USP36: variants seen among roughly 807,000 people sequenced by gnomAD.
USP36 encodes the protein ubiquitin specific peptidase 36, also known as ubiquitin carboxyl-terminal hydrolase 36.
In USP36, 59 loss-of-function variants were observed where a neutral mutation model predicts 111.5. The observed-to-expected ratio is 0.53, with a 90% CI of 0.43 to 0.66. USP36 has a LOEUF of 0.66. USP36 is among the 30% of genes least tolerant of loss of function. The pLI is 0.00. For synonymous variants in USP36, 628 were observed against 581.0 expected (o/e 1.08, Z -1.16); for missense variants, 1,488 against 1,468.0 (o/e 1.01, Z -0.22).
intron 12 of USP36, 40 bp downstream of exon 12, chr17:78,813,733 G>C: frequency 1.3e-6 from 2 of 1,579,424 alleles, no homozygotes; most frequent in Non-Finnish European, 1.7e-6. Flanking sequence ...GAAAAGAGCA[G>C]AGGGAGTGAG....
rs1016299421 is a variant in USP36 at position 78,803,736 on chromosome 17, G to A, written c.2459C>T (p.Pro820Leu). 3.7e-6 allele frequency: 6 copies of A among 1,612,104 alleles called. No homozygotes were observed. Among genetic ancestry groups the A allele is most frequent in the Admixed American group, 3.3e-5 (2 of 60,008 alleles). ...EKRKKTFVGE[P>L]QRLGSETRLP... ...GCGCGTCTCTGAGCCCAGCCTCTGCGGCTCTCCCACAAAGGTCTTTTTCCT... is the reference window on the plus strand; with the variant it reads ...GCGCGTCTCTGAGCCCAGCCTCTGCAGCTCTCCCACAAAGGTCTTTTTCCT... The change falls in exon 16 of 21, where the codon CCG becomes CTG. Residue 820 changes from proline (P) to leucine (L), a missense_variant. By Grantham distance (98) the Pro-to-Leu change is moderately conservative. This residue lies in a region of USP36 where 1,073 missense variants were observed against 994.1 expected (regional missense o/e 1.08). Coordinates refer to ENST00000449938, the MANE Select transcript of USP36 (RefSeq NM_001385174.1). The surrounding 1 kb of genome is among the most constrained non-coding windows in gnomAD (Gnocchi z 4.6).
At position 78,818,662 on chromosome 17, in the gene USP36, C is replaced by A. The variant is rs1283690319; in HGVS notation, c.1023+5G>T. The A allele has an allele frequency of 1.2e-6, 2 of 1,613,616 alleles. No homozygotes were observed. The highest frequency in any genetic ancestry group is 3.3e-5 in the Admixed American group (2 of 59,998). On this transcript the variant is annotated splice_donor_5th_base_variant and intron_variant, in intron 10 of 20. Transcript: ENST00000449938. ...GCTGCCTGGGATGGTGTCACGAGCG[C>A]TCACCTTGGTGATCTTCCCCCCGCT...
In USP36 at chr17:78,835,474, C is replaced by T. The variant is rs1219713479; in HGVS notation, c.281G>A (p.Gly94Asp). The T allele has an allele frequency of 1.2e-6, 2 of 1,608,810 alleles. No homozygotes were observed. Among genetic ancestry groups the T allele is most frequent in the Non-Finnish European group, 1.7e-6 (2 of 1,177,386 alleles). The change falls in exon 4 of 21, where the codon GGT becomes GAT. Residue 94 changes from glycine (G) to aspartate (D), a missense_variant. Transcript: ENST00000449938. ...QGSEHTYESC[G>D]DGVPAPQKVL... ...TTTCTGCGGGGCTGGGACTCCGTCA[C>T]CACAGCTCTCATACGTGTGCTCACT... is the stretch of plus-strand genomic sequence containing the variant.
intron 5 of USP36, among the ~76,000 whole-genome samples, chr17:78,827,844 G>A (rs7217047): frequency 0.057 from 8,645 of 152,300 alleles, 782 homozygotes; most frequent in African/African-American, 0.2. Flanking sequence ...AGGAGGTTGA[G>A]GCTGCAGTGA....
Position 78,821,039 on chromosome 17 carries a change from G to T in USP36, c.780C>A (p.Ser260Arg), listed in dbSNP as rs61729065. Residue 260 changes from serine (S) to arginine (R), a missense_variant, in exon 8 of 21, where the codon AGC (serine) becomes AGA (arginine). Physicochemically the swap from Ser to Arg is moderately radical, Grantham distance 110. Transcript: ENST00000449938. ...AGTAGGGGTCGTAGGTGTCCGAGAC[G>T]CTCTTGCACACGGAGCACTTCACTG... ...RSRVKCSVCK[S>R]VSDTYDPYLD... 1 of 1,606,084 alleles carries T rather than the reference G, an allele frequency of 6.2e-7. No individual in the cohort carries two copies. The highest frequency in any genetic ancestry group is 8.5e-7 in the Non-Finnish European group (1 of 1,176,244).
rs146291781 is a variant in USP36, at chr17:78,802,207, G to A, written c.3022+117C>T. The stretch of plus-strand genomic sequence containing the variant: ...GCACACCCACGCGGTCCAACCCCTC[G>A]CCCAGTGCACGCCCATGCGGTCCCC... On this transcript the variant is annotated intron_variant, in intron 17 of 20. Coordinates refer to ENST00000449938, the MANE Select transcript of USP36 (RefSeq NM_001385174.1). 886 of 414,238 alleles carry A rather than the reference G, an allele frequency of 2.1e-3. 14 individuals carry two copies. The African/African-American group carries it at 0.041, about 19-fold the overall frequency. 25.7% of individuals were successfully genotyped at this position (414,238 alleles called of 1,614,324 possible).
chr17:78,838,499 G>C (rs190052015), intron 2 of USP36, 88 bp downstream of exon 2: 1 of 137,212 alleles, frequency 7.3e-6, no homozygotes, highest in East Asian at 1.9e-4. Flanking sequence ...AATTATCAAA[G>C]ACTTCTCACC....
intron 16 of USP36, among the ~76,000 whole-genome samples, chr17:78,802,936 A>AT (rs1210498542): frequency 1.3e-5 from 2 of 151,786 alleles, no homozygotes; most frequent in Admixed American, 1.3e-4. Context: ...CAGAGGAGAT[A>AT]TTTTTTCTTT....
rs2094100682 is a variant in USP36, at chr17:78,812,911, G to A, written c.1356C>T (p.His452=). 6.2e-7 allele frequency: 1 copy of A among 1,613,794 alleles called. No individual in the cohort carries two copies. Among genetic ancestry groups the A allele is most frequent in the South Asian group, 1.1e-5 (1 of 91,068 alleles). Residue 452 remains histidine (H), a synonymous_variant, in exon 13 of 21, where the codon CAC becomes CAT. Coordinates refer to ENST00000449938, the MANE Select transcript of USP36 (RefSeq NM_001385174.1). ...TCCCATTGCCGATGTTCTTCTTGGA[G>A]TGATCTGGAATCACACTCGGGCGGC... ...LPGRPSVIPD[H]SKKNIGNGII...
At chr17:78,813,069 T>A (rs2094105974) in intron 12 of USP36, 68 bp from the exon 13 acceptor site, 3 of 1,597,744 alleles carry the variant, frequency 1.9e-6, no homozygotes, top group Admixed American at 3.4e-5. Context: ...AGAATTAGAA[T>A]AAGTTAAGGC....
intron 4 of USP36, among the ~76,000 whole-genome samples, chr17:78,834,972 T>C (rs946769117): frequency 1.4e-5 from 2 of 143,672 alleles, no homozygotes; most frequent in Non-Finnish European, 3.0e-5. Flanking sequence ...CAGAGCAAGA[T>C]ACTGTCTCTA....
chr17:78,817,888 C>A (rs1375508263), intron 10 of USP36, among the ~76,000 whole-genome samples: 2 of 152,148 alleles, frequency 1.3e-5, no homozygotes, highest in Non-Finnish European at 2.9e-5. Context: ...TGAGACCACC[C>A]TGGGCAACAC....
rs902651330 is a variant in USP36, at chr17:78,823,375, G to A, written c.690-1371C>T. Among the ~76,000 whole-genome samples the A allele has an allele frequency of 4.6e-5, 7 of 152,088 alleles. No homozygotes were observed. The East Asian group carries it at 7.7e-4, about 17-fold the overall frequency. On this transcript the variant is annotated intron_variant, in intron 6 of 20. Coordinates refer to ENST00000449938, the MANE Select transcript of USP36 (RefSeq NM_001385174.1). ...CAACCCCTCTGTCATCCAGAAGCCC[G>A]CAAGCACCAGCGCCCGCAGGGCCAC...
intron 8 of USP36, 65 bp downstream of exon 8, chr17:78,820,926 G>T: frequency 1.3e-6 from 2 of 1,518,112 alleles, no homozygotes; most frequent in Non-Finnish European, 1.8e-6. Flanking sequence ...CTGTTCTGCG[G>T]GTTCTGTTTC....
intron 11 of USP36, among the ~76,000 whole-genome samples, chr17:78,814,206 C>A (rs1041640577): frequency 2.0e-5 from 3 of 152,200 alleles, no homozygotes; most frequent in African/African-American, 7.2e-5. Context: ...TGTCTCCCTG[C>A]AAGTCTGAGA....
rs2093671512 is a variant in USP36, at chr17:78,798,671, C to T, written c.3241-120G>A. On this transcript the variant is annotated intron_variant, in intron 19 of 20. Transcript: ENST00000449938. This position sits in a 1 kb window ranked among gnomAD's most constrained non-coding sequence, Gnocchi z 5.1. ...GGCTCTCATGAGCTCTCTGGAGACC[C>T]ACTCTTCACAATGACCCCTGTGCAC... The T allele has an allele frequency of 6.8e-7, 1 of 1,480,114 alleles. No individual in the cohort carries two copies. 91.7% of individuals were successfully genotyped at this position (1,480,114 alleles called of 1,614,324 possible).
chr17:78,830,380 G>GAGAC (rs574474992), intron 4 of USP36, among the ~76,000 whole-genome samples: 24 of 152,194 alleles, frequency 1.6e-4, no homozygotes, highest in Non-Finnish European at 2.6e-4. Context: ...ACTGAATGAA[G>GAGAC]AGACCACTGT....
chr17:78,821,418 A>G (rs1257226841), intron 7 of USP36: 1 of 50,116 alleles, frequency 2.0e-5, no homozygotes, highest in Middle Eastern at 0.014. Context: ...ATATATATAT[A>G]TATTTTTTTT....
In USP36 at chr17:78,814,886, G is replaced by C. The variant is rs187931920; in HGVS notation, c.1024-334C>G. Among the ~76,000 whole-genome samples, 309 of 152,278 alleles carry C rather than the reference G, an allele frequency of 2.0e-3. 2 individuals are homozygous for C. Among genetic ancestry groups the C allele is most frequent in the African/African-American group, 7.0e-3 (290 of 41,562 alleles). On this transcript the variant is annotated intron_variant, in intron 10 of 20. Coordinates refer to ENST00000449938, the MANE Select transcript of USP36 (RefSeq NM_001385174.1). The stretch of plus-strand genomic sequence containing the variant: ...GAATCACTTGAACCCGCGAGGCAGA[G>C]GTTGCAGTGAGCCGAGATCGAGCCA...
Sources: gnomAD v4.1 joint callset for allele counts (sites outside exome capture counted in the v4.1 genomes callset) on GRCh38, gnomAD v4.1.1 for gene constraint, gnomAD v4.1.1 regional missense constraint, Gnocchi (gnomAD v3.1) non-coding constraint, MANE v1.5 for transcripts, NCBI Gene and HGNC (gene_info 2026-07-23, HGNC 2026-07-21) for gene names.